The following PIK3C2B variants were observed in gnomAD, a reference collection of about 807,000 sequenced individuals.
PIK3C2B encodes phosphatidylinositol-4-phosphate 3-kinase catalytic subunit type 2 beta.
In PIK3C2B, 83 loss-of-function variants were observed where a neutral mutation model predicts 184.3. The ratio of observed to expected loss-of-function variants is 0.45; its 90% CI spans 0.38 to 0.54. PIK3C2B has a LOEUF of 0.54. Among genes scored for constraint, PIK3C2B ranks in the 20% least tolerant of loss-of-function variants. The probability of loss-of-function intolerance (pLI) is 0.00; values close to 1 mark genes in which losing one functional copy is unlikely to be tolerated. For synonymous variants in PIK3C2B, 779 were observed against 837.6 expected, an observed-to-expected ratio of 0.93 and a Z score of 1.21; for missense variants, 1,736 against 2,113.5, an observed-to-expected ratio of 0.82 and a Z score of 3.50.
chr1:204,486,110 A>G (rs1173880502), intron 1 of PIK3C2B, among the ~76,000 whole-genome samples: 2 of 152,190 alleles, frequency 1.3e-5, no homozygotes, highest in Non-Finnish European at 2.9e-5. Context: ...AATCTTAAGA[A>G]TAATGCTGGC....
chr1:204,485,809 G>T (rs572550333), intron 1 of PIK3C2B, among the ~76,000 whole-genome samples: 20 of 151,988 alleles, frequency 1.3e-4, no homozygotes, highest in African/African-American at 4.6e-4. Flanking sequence ...AAACTCAAGC[G>T]ATCTGCCTGC....
intron 23 of PIK3C2B, among the ~76,000 whole-genome samples, chr1:204,438,102 G>C (rs989981022): frequency 2.0e-5 from 3 of 152,212 alleles, no homozygotes; most frequent in African/African-American, 7.2e-5. Flanking sequence ...ATTATACCTT[G>C]GCTGCCCATG....
chr1:204,493,409 C>T (rs531868490), intron 1 of PIK3C2B, among the ~76,000 whole-genome samples: 7 of 152,036 alleles, frequency 4.6e-5, no homozygotes, highest in Non-Finnish European at 1.0e-4. Flanking sequence ...AGAGACAATA[C>T]AGCGATTCCA....
rs1481169010 is a variant in PIK3C2B at position 204,433,231 on chromosome 1, T to A, written c.3953+85A>T. ...TAGCATCTGAGCTAAGCTTTTCACC[T>A]TTCCCCAGTCCTCCTCCTGCCAATC... On this transcript the variant is annotated intron_variant, in intron 26 of 32. Transcript: ENST00000684373. This position sits in a 1 kb window ranked among gnomAD's most constrained non-coding sequence, Gnocchi z 5.0. 4 of 745,962 alleles carry A rather than the reference T, an allele frequency of 5.4e-6. No individual in the cohort carries two copies. The African/African-American group carries it at 7.0e-5, about 13-fold the overall frequency. The allele number at this position is 745,962 out of a possible 1,614,324, so 46.2% of individuals were successfully genotyped here. A position where few individuals can be genotyped will look rare whatever the true frequency, so the allele number is the denominator to read the frequency against.
At chr1:204,457,155 C>T (rs970075738) in intron 9 of PIK3C2B, 85 bp from the exon 10 acceptor site, 38 of 1,162,142 alleles carry the variant, frequency 3.3e-5, no homozygotes, top group Non-Finnish European at 4.7e-5. Context: ...CACAGCTGCG[C>T]TCATCTGGAC....
In PIK3C2B at chr1:204,427,645, T is replaced by A. The variant is rs918222057; in HGVS notation, c.4587+3A>T. On this transcript the variant is annotated splice_donor_region_variant and intron_variant, in intron 31 of 32. Transcript: ENST00000684373. ...AAAAAATCACGGCTGTGCAGGCACT[T>A]ACCAAGCCCCGAATATGCATCACCA... 1 of 1,601,146 alleles carries A rather than the reference T, an allele frequency of 6.2e-7. No homozygotes were observed. Among genetic ancestry groups the A allele is most frequent in the South Asian group, 1.1e-5 (1 of 90,796 alleles).
chr1:204,469,292 G>C lies in PIK3C2B; in HGVS notation c.511C>G (p.Leu171Val). ...PRASIWDTPP[L>V]PPRKGSPSSS... is the part of the protein sequence containing the mutation. ...GAGGGGGACCCCTTTCTGGGAGGCA[G>C]GGGAGGGGTATCCCAGATAGAAGCT... is the stretch of plus-strand genomic sequence containing the variant. The change falls in exon 2 of 33, where the codon CTG (leucine) becomes GTG (valine). Residue 171 changes from leucine (L) to valine (V), a missense_variant. Physicochemically the swap from Leu to Val is conservative, Grantham distance 32. Transcript: ENST00000684373. The C allele has an allele frequency of 6.5e-7, 1 of 1,542,912 alleles. No homozygotes were observed. The highest frequency in any genetic ancestry group is 8.7e-7 in the Non-Finnish European group (1 of 1,145,512).
chr1:204,447,441 C>T lies in PIK3C2B; in HGVS notation c.2484G>A (p.Leu828=), dbSNP rs1653973557. 3.7e-6 allele frequency: 6 copies of T among 1,613,734 alleles called. No homozygotes were observed. The highest frequency in any genetic ancestry group is 5.1e-6 in the Non-Finnish European group (6 of 1,179,838). ...KLKDIMQKES[L]YWLTDADKKR... ...AGTGGGGGCCCGGGTCTCACCAGTA[C>T]AAGGACTCTTTCTGCATGATGTCTT... is the stretch of plus-strand genomic sequence containing the variant. Residue 828 remains leucine (L), a synonymous_variant, in exon 15 of 33, where the codon TTG becomes TTA. Transcript: ENST00000684373. The surrounding 1 kb of genome is among the most constrained non-coding windows in gnomAD (Gnocchi z 4.1).
chr1:204,431,237 G>GT (rs1386098903), intron 28 of PIK3C2B: 2 of 240,782 alleles, frequency 8.3e-6, no homozygotes, highest in Non-Finnish European at 1.7e-5. Context: ...GAATCGTGCC[G>GT]TTTTTGTTTT....
chr1:204,469,393 C>T lies in PIK3C2B; in HGVS notation c.410G>A (p.Gly137Glu). 6.5e-7 allele frequency: 1 copy of T among 1,537,476 alleles called. No homozygotes were observed. The highest frequency in any genetic ancestry group is 8.7e-7 in the Non-Finnish European group (1 of 1,146,696). ...CCCTGGTCCTGGGGACGAAGAGACT[C>T]CCCCATCTGAACCATCAAAAATGTA... ...YLYIFDGSDG[G>E]VSSSPGPGDI... The change falls in exon 2 of 33, where the codon GGA (glycine) becomes GAA (glutamate). Residue 137 changes from glycine to glutamate, a missense_variant. Transcript: ENST00000684373.
chr1:204,449,942 G>T lies in PIK3C2B; in HGVS notation c.2142C>A (p.Ile714=), dbSNP rs893981470. ...CCTCTGAGGAGCTCCCCGGTGGGGG[G>T]ATGGGCAGAGCATAGAGAGTGGCAC... ...LLCATLYALP[I]PPPGSSSEAN... The change falls in exon 13 of 33, where the codon ATC becomes ATA. Residue 714 remains isoleucine (I), a synonymous_variant. Transcript: ENST00000684373. 6.2e-7 allele frequency: 1 copy of T among 1,612,034 alleles called. No homozygotes were observed. Among genetic ancestry groups the T allele is most frequent in the Non-Finnish European group, 8.5e-7 (1 of 1,179,212 alleles).
At chr1:204,442,012 T>TCAC (rs1400915248) in intron 20 of PIK3C2B, among the ~76,000 whole-genome samples, 2 of 152,054 alleles carry the variant, frequency 1.3e-5, no homozygotes, top group Admixed American at 6.5e-5. Flanking sequence ...ACAGCTGCTA[T>TCAC]CACCACCACC....
At position 204,433,890 on chromosome 1, in the gene PIK3C2B, T is replaced by C. The variant is rs1269981487; in HGVS notation, c.3746A>G (p.Lys1249Arg). Residue 1249 changes from lysine to arginine, a missense_variant, in exon 25 of 33, where the codon AAG becomes AGG. Physicochemically the swap from Lys to Arg is conservative, Grantham distance 26. Coordinates refer to ENST00000684373, the MANE Select transcript of PIK3C2B (RefSeq NM_001377334.1). The surrounding 1 kb of genome is among the most constrained non-coding windows in gnomAD (Gnocchi z 5.0). Reference protein sequence around the residue: ...DMAYVINGGDKPSSRFHDFVD... With the variant: ...DMAYVINGGDRPSSRFHDFVD... ...AAAATCATGGAAGCGGCTGGAAGGC[T>C]TGTCACCCCCGTTGATGACATACGC... 1.2e-6 allele frequency: 2 copies of C among 1,613,948 alleles called. No individual in the cohort carries two copies. Among genetic ancestry groups the C allele is most frequent in the African/African-American group, 2.7e-5 (2 of 74,896 alleles).
At chr1:204,493,524 AAC>A (rs3038310) in intron 1 of PIK3C2B, among the ~76,000 whole-genome samples, 100 of 143,988 alleles carry the variant, frequency 6.9e-4, no homozygotes, top group Middle Eastern at 7.1e-3. Flanking sequence ...AATGGCAGAA[AAC>A]ACACACACAC....
chr1:204,452,345 G>T (rs1396753414), intron 12 of PIK3C2B, among the ~76,000 whole-genome samples: 1 of 132,050 alleles, frequency 7.6e-6, no homozygotes, highest in South Asian at 2.5e-4. Flanking sequence ...GCCGAGGCTG[G>T]ATACTCACTG....
intron 23 of PIK3C2B, among the ~76,000 whole-genome samples, chr1:204,437,749 T>G (rs1675430187): frequency 6.6e-6 from 1 of 151,272 alleles, no homozygotes; most frequent in South Asian, 2.1e-4. Flanking sequence ...ACAGAAAGAG[T>G]CACACCATTG....
intron 1 of PIK3C2B, among the ~76,000 whole-genome samples, chr1:204,476,284 T>C (rs2103524347): frequency 1.3e-5 from 2 of 152,226 alleles, no homozygotes; most frequent in South Asian, 4.2e-4. Flanking sequence ...TAGAAATTGC[T>C]CTAGGGCCAG....
chr1:204,470,447 C>T lies in PIK3C2B; in HGVS notation c.-84-561G>A, dbSNP rs1487992037. On this transcript the variant is annotated intron_variant, in intron 1 of 32. Transcript: ENST00000684373. ...CCTCCCAAAGTGTTGGGATTACAGG[C>T]GTGAGCTACCACGCCCAGCCAAGAG... 2.6e-5 allele frequency among the ~76,000 whole-genome samples: 4 copies of T among 152,284 alleles called. No homozygotes were observed. In the East Asian group the frequency reaches 7.7e-4, roughly 29 times the overall value.
At chr1:204,456,904 A>C (rs537560341) in intron 10 of PIK3C2B, 133 bp downstream of exon 10, 8 of 208,040 alleles carry the variant, frequency 3.8e-5, no homozygotes, top group Admixed American at 2.5e-4. Flanking sequence ...ACACACACAC[A>C]CACCCACACA....
Sources: allele counts gnomAD v4.1 joint callset (sites outside exome capture counted in the v4.1 genomes callset), GRCh38; gene constraint gnomAD v4.1.1; non-coding constraint Gnocchi (gnomAD v3.1); transcripts MANE v1.5; gene names NCBI Gene and HGNC (gene_info 2026-07-23, HGNC 2026-07-21).